SEMA6D: variants seen among roughly 807,000 people sequenced by gnomAD.
SEMA6D encodes the protein semaphorin 6D.
In SEMA6D, 35 loss-of-function variants were observed where a neutral mutation model predicts 106.6. That is an observed-to-expected ratio of 0.33 (90% CI 0.25 to 0.44). The LOEUF (loss-of-function observed/expected upper bound fraction) is 0.44, where lower values mean the gene tolerates loss of function less well. Ranked by LOEUF, SEMA6D falls within the 20% of genes least tolerant of loss-of-function variation. The probability of loss-of-function intolerance (pLI) is 1.00; values close to 1 mark genes in which losing one functional copy is unlikely to be tolerated. For missense variants in SEMA6D, 1,185 were observed against 1,345.9 expected (o/e 0.88, Z 1.87); for synonymous variants, 499 against 487.7 (o/e 1.02, Z -0.31).
At chr15:47,370,986 C>A (rs1490260608) in intron 1 of SEMA6D, among the ~76,000 whole-genome samples, 3 of 152,156 alleles carry the variant, frequency 2.0e-5, no homozygotes, top group Non-Finnish European at 4.4e-5. Flanking sequence ...GACTCTGATA[C>A]AGAAGGTAAG....
intron 1 of SEMA6D, among the ~76,000 whole-genome samples, chr15:47,314,926 C>T (rs540199382): frequency 5.9e-5 from 8 of 135,898 alleles, no homozygotes; most frequent in African/African-American, 2.3e-4. Context: ...AGTGCAGTGG[C>T]GCAATCTCGG....
chr15:47,186,153 C>T (rs1219740837), intron 1 of SEMA6D, among the ~76,000 whole-genome samples: 2 of 152,068 alleles, frequency 1.3e-5, no homozygotes, highest in African/African-American at 4.8e-5. Flanking sequence ...GTTACTAATG[C>T]ACCCAACTGA....
intron 1 of SEMA6D, among the ~76,000 whole-genome samples, chr15:47,278,346 C>T (rs2034938621): frequency 6.6e-6 from 1 of 152,188 alleles, no homozygotes; most frequent in African/African-American, 2.4e-5. Flanking sequence ...TTTTGATTTG[C>T]ATTTCTCTGA....
At chr15:47,559,838 A>G (rs1021887558) in intron 3 of SEMA6D, among the ~76,000 whole-genome samples, 2 of 152,134 alleles carry the variant, frequency 1.3e-5, no homozygotes, top group African/African-American at 2.4e-5. Context: ...TAAAATTTGA[A>G]TGTCATTCCC....
At chr15:47,567,312 A>G (rs1054388077) in intron 3 of SEMA6D, among the ~76,000 whole-genome samples, 1 of 152,238 alleles carries the variant, frequency 6.6e-6, no homozygotes, top group African/African-American at 2.4e-5. Context: ...GGAGTAACGA[A>G]TTAGAAAATT....
chr15:47,528,493 T>A lies in SEMA6D; in HGVS notation c.-87+57948T>A, dbSNP rs1173225192. On this transcript the variant is annotated intron_variant, in intron 3 of 19. Transcript: ENST00000558014. The stretch of plus-strand genomic sequence containing the variant: ...TATCTTACTTTTATCATTTCATTCC[T>A]CTCCATCCTTCTCAGTTGGCCAACA... 2.0e-5 allele frequency among the ~76,000 whole-genome samples: 3 copies of A among 152,320 alleles called. No individual in the cohort carries two copies. In the South Asian group the frequency reaches 6.2e-4, roughly 32 times the overall value.
intron 4 of SEMA6D, among the ~76,000 whole-genome samples, chr15:47,658,450 CAATTTCAAAAATATTAA>C (rs750482186): frequency 1.3e-5 from 2 of 152,066 alleles, no homozygotes; most frequent in Non-Finnish European, 2.9e-5. Flanking sequence ...AGATGCTTCT[CAATTTCAAAAATATTAA>C]AATGTGAAAA....
rs147266563 is a variant in SEMA6D, at chr15:47,505,658, C to T, written c.-87+35113C>T. ...ATATCTAATTGACTCTAAAACGGTT[C>T]AGCAAGAATAATGAAAATATTACAT... On this transcript the variant is annotated intron_variant, in intron 3 of 19. Transcript: ENST00000558014. Among the ~76,000 whole-genome samples, 14 of 152,172 alleles carry T rather than the reference C, an allele frequency of 9.2e-5. No homozygotes were observed. In the East Asian group the frequency reaches 2.5e-3, roughly 27 times the overall value.
chr15:47,760,415 G>A lies in SEMA6D; in HGVS notation c.221G>A (p.Arg74Lys). Reference sequence around the variant, plus strand: ...CGAGACACACTTTATATTGCTGGCAGGTAATTTTCCTCTCATTGGTTTATT... The same window carrying A: ...CGAGACACACTTTATATTGCTGGCAAGTAATTTTCCTCTCATTGGTTTATT... ...KIRDTLYIAG[R>K]DQVYTVNLNE... is the part of the protein sequence containing the mutation. Residue 74 changes from arginine (R) to lysine (K), a missense_variant and splice_region_variant, in exon 3 of 19, where the codon AGG (arginine) becomes AAG (lysine). By Grantham distance (26) the Arg-to-Lys change is conservative. Transcript: ENST00000536845. 1 of 1,609,820 alleles carries A rather than the reference G, an allele frequency of 6.2e-7. No individual in the cohort carries two copies. Among genetic ancestry groups the A allele is most frequent in the South Asian group, 1.1e-5 (1 of 90,926 alleles).
At chr15:47,620,298 A>G (rs2077076354) in intron 4 of SEMA6D, among the ~76,000 whole-genome samples, 1 of 152,178 alleles carries the variant, frequency 6.6e-6, no homozygotes, top group South Asian at 2.1e-4. Context: ...CACACCTGGG[A>G]GTGCCAAGCA....
chr15:47,491,076 G>T (rs1354041165), intron 3 of SEMA6D, among the ~76,000 whole-genome samples: 1 of 152,106 alleles, frequency 6.6e-6, no homozygotes, highest in Admixed American at 6.6e-5. Flanking sequence ...CATACCCTAT[G>T]ATCTAAAAAT....
At chr15:47,537,038 A>G (rs542302444) in intron 3 of SEMA6D, among the ~76,000 whole-genome samples, 1 of 152,344 alleles carries the variant, frequency 6.6e-6, no homozygotes, top group Admixed American at 6.5e-5. Context: ...CCAAGGTGGT[A>G]TAAGAAGCAT....
intron 2 of SEMA6D, among the ~76,000 whole-genome samples, chr15:47,447,224 A>T (rs926907901): frequency 2.0e-5 from 3 of 152,090 alleles, no homozygotes; most frequent in African/African-American, 7.2e-5. Context: ...TATTGTTTGG[A>T]ATCTTCAAAG....
At chr15:47,413,798 A>G (rs1009458116) in intron 2 of SEMA6D, among the ~76,000 whole-genome samples, 2 of 152,098 alleles carry the variant, frequency 1.3e-5, no homozygotes, top group African/African-American at 4.8e-5. Context: ...TATAGTTTCT[A>G]TATATTTCTT....
At chr15:47,728,356 T>G (rs1340083898) in intron 1 of SEMA6D, among the ~76,000 whole-genome samples, 3 of 152,220 alleles carry the variant, frequency 2.0e-5, no homozygotes, top group African/African-American at 7.2e-5. Flanking sequence ...GAAATATACT[T>G]TGGGGAATCA....
chr15:47,609,423 A>C (rs1471738465), intron 4 of SEMA6D, among the ~76,000 whole-genome samples: 2 of 152,200 alleles, frequency 1.3e-5, no homozygotes, highest in Non-Finnish European at 2.9e-5. Context: ...ATGAGTCTAC[A>C]AGTTTAAAAA....
At chr15:47,193,882 C>T (rs1008549019) in intron 1 of SEMA6D, among the ~76,000 whole-genome samples, 3 of 152,024 alleles carry the variant, frequency 2.0e-5, no homozygotes, top group Non-Finnish European at 4.4e-5. Context: ...CTTTAATAGA[C>T]CTTATCTCAA....
chr15:47,676,117 A>G (rs1414819232), intron 4 of SEMA6D, among the ~76,000 whole-genome samples: 1 of 152,148 alleles, frequency 6.6e-6, no homozygotes, highest in Non-Finnish European at 1.5e-5. Flanking sequence ...TACCCGCGGC[A>G]TTGGTAGTGG....
At chr15:47,587,477 C>T (rs781415336) in intron 3 of SEMA6D, among the ~76,000 whole-genome samples, 2 of 152,108 alleles carry the variant, frequency 1.3e-5, no homozygotes, top group Non-Finnish European at 2.9e-5. Flanking sequence ...ATGTTGAAAC[C>T]CTTACAGTTG....
Sources: allele counts gnomAD v4.1 joint callset (sites outside exome capture counted in the v4.1 genomes callset), GRCh38; gene constraint gnomAD v4.1.1; transcripts MANE v1.5; gene names NCBI Gene and HGNC (gene_info 2026-07-23, HGNC 2026-07-21).